The following IMMP2L variants were observed in gnomAD, a reference collection of about 807,000 sequenced individuals.
The protein encoded by IMMP2L is inner mitochondrial membrane peptidase subunit 2.
Under a neutral mutation model 19.3 loss-of-function variants are expected in IMMP2L, and 18 were observed. The observed-to-expected ratio is 0.93, with a 90% CI of 0.64 to 1.38. The LOEUF is 1.38. IMMP2L is among the 40% of genes most tolerant of loss of function. The pLI is 0.00. For synonymous variants in IMMP2L, 76 were observed against 73.0 expected (o/e 1.04, Z -0.21); for missense variants, 233 against 218.2 (o/e 1.07, Z -0.43).
At chr7:110,666,462 G>C (rs1271787307) in intron 5 of IMMP2L, among the ~76,000 whole-genome samples, 1 of 151,994 alleles carries the variant, frequency 6.6e-6, no homozygotes, top group Non-Finnish European at 1.5e-5. Context: ...TTTTAGTAGA[G>C]ATGGGGTTTC....
intron 5 of IMMP2L, among the ~76,000 whole-genome samples, chr7:110,792,727 G>A (rs1004135038): frequency 6.6e-6 from 1 of 152,030 alleles, no homozygotes; most frequent in African/African-American, 2.4e-5. Context: ...CACTCTTAAT[G>A]TTGTACATTC....
chr7:110,996,644 T>A (rs1322683262), intron 3 of IMMP2L, among the ~76,000 whole-genome samples: 2 of 152,108 alleles, frequency 1.3e-5, no homozygotes, highest in Non-Finnish European at 2.9e-5. Context: ...CTCTTTTTTT[T>A]TCTGAGTGAG....
At chr7:110,689,323 G>A (rs954997030) in intron 5 of IMMP2L, among the ~76,000 whole-genome samples, 3 of 152,104 alleles carry the variant, frequency 2.0e-5, no homozygotes, top group Non-Finnish European at 2.9e-5. Context: ...GATGATTAGA[G>A]TAGTATGCAC....
At chr7:111,479,953 A>AT (rs1376330251) in intron 3 of IMMP2L, among the ~76,000 whole-genome samples, 1 of 152,132 alleles carries the variant, frequency 6.6e-6, no homozygotes, top group Non-Finnish European at 1.5e-5. Flanking sequence ...TTTATTAAAC[A>AT]TTTCTAAGAT....
At chr7:111,529,967 T>C (rs1418738762) in intron 1 of IMMP2L, among the ~76,000 whole-genome samples, 4 of 152,186 alleles carry the variant, frequency 2.6e-5, no homozygotes, top group African/African-American at 9.7e-5. Flanking sequence ...TCCTTCAACT[T>C]GCAAACATCA....
chr7:110,901,747 C>G (rs960924018), intron 4 of IMMP2L, among the ~76,000 whole-genome samples: 1 of 152,086 alleles, frequency 6.6e-6, no homozygotes, highest in Admixed American at 6.6e-5. Flanking sequence ...TAAGTGAAGA[C>G]TATTTTGTCT....
At chr7:111,299,737 T>A (rs1047152753) in intron 3 of IMMP2L, among the ~76,000 whole-genome samples, 1 of 152,058 alleles carries the variant, frequency 6.6e-6, no homozygotes, top group Non-Finnish European at 1.5e-5. Context: ...TGTGAATTTG[T>A]CTTTTTTTTT....
chr7:110,805,437 G>A (rs1801562860), intron 5 of IMMP2L, among the ~76,000 whole-genome samples: 2 of 152,064 alleles, frequency 1.3e-5, no homozygotes, highest in East Asian at 1.9e-4. Context: ...CTCTTTCATG[G>A]TCCAACATCC....
intron 3 of IMMP2L, among the ~76,000 whole-genome samples, chr7:111,142,354 A>G (rs1803022906): frequency 1.5e-5 from 2 of 136,982 alleles, no homozygotes; most frequent in African/African-American, 5.9e-5. Context: ...GAAAGAAAGA[A>G]AGAAAGAAAG....
chr7:110,984,986 A>G (rs896831631), intron 3 of IMMP2L, among the ~76,000 whole-genome samples: 2 of 152,106 alleles, frequency 1.3e-5, no homozygotes, highest in Non-Finnish European at 2.9e-5. Flanking sequence ...TTAAAAGGGG[A>G]AAGAGGTGGC....
intron 3 of IMMP2L, among the ~76,000 whole-genome samples, chr7:111,132,853 A>G (rs1359288528): frequency 6.6e-6 from 1 of 152,036 alleles, no homozygotes; most frequent in Non-Finnish European, 1.5e-5. Context: ...GTTCTTTAAA[A>G]GACTTTCTTA....
At chr7:110,707,009 T>TTC (rs542038396) in intron 5 of IMMP2L, among the ~76,000 whole-genome samples, 6,710 of 141,070 alleles carry the variant, frequency 0.048, 244 homozygotes, top group African/African-American at 0.088. Context: ...TTTTAATTTT[T>TTC]TTTTTTTTAT....
At chr7:111,243,236 T>C (rs1314967224) in intron 3 of IMMP2L, among the ~76,000 whole-genome samples, 1 of 151,948 alleles carries the variant, frequency 6.6e-6, no homozygotes, top group Non-Finnish European at 1.5e-5. Context: ...TTATTATATA[T>C]TGAATTATAA....
intron 4 of IMMP2L, among the ~76,000 whole-genome samples, chr7:110,913,668 A>T (rs1489278821): frequency 6.6e-6 from 1 of 152,166 alleles, no homozygotes; most frequent in African/African-American, 2.4e-5. Context: ...CAACTTGCTA[A>T]GTAATGATAC....
At chr7:111,050,779 GTATT>G (rs1563194831) in intron 3 of IMMP2L, among the ~76,000 whole-genome samples, 2 of 152,100 alleles carry the variant, frequency 1.3e-5, no homozygotes, top group Non-Finnish European at 2.9e-5. Flanking sequence ...CAAAAGTTAC[GTATT>G]TATTTATGCC....
chr7:111,555,614 T>C (rs559017861), intron 1 of IMMP2L, among the ~76,000 whole-genome samples: 1 of 152,302 alleles, frequency 6.6e-6, no homozygotes, highest in African/African-American at 2.4e-5. Context: ...TATTTGACTT[T>C]TTTTTAAGAT....
chr7:110,752,544 A>G (rs1436004389), intron 5 of IMMP2L, among the ~76,000 whole-genome samples: 2 of 151,986 alleles, frequency 1.3e-5, no homozygotes, highest in Non-Finnish European at 1.5e-5. Flanking sequence ...CACTCACTCT[A>G]TTGTTTTCAA....
intron 5 of IMMP2L, among the ~76,000 whole-genome samples, chr7:110,706,056 T>C (rs1794656792): frequency 6.6e-6 from 1 of 152,074 alleles, no homozygotes; most frequent in Non-Finnish European, 1.5e-5. Context: ...GTAGAATGAT[T>C]TATTTTCTTC....
chr7:111,067,007 T>C (rs1179853939), intron 3 of IMMP2L, among the ~76,000 whole-genome samples: 2 of 152,182 alleles, frequency 1.3e-5, no homozygotes, highest in African/African-American at 2.4e-5. Flanking sequence ...TCTATCCATA[T>C]TGTCATACAT....
Sources: gnomAD v4.1 joint callset for allele counts (sites outside exome capture counted in the v4.1 genomes callset) on GRCh38, gnomAD v4.1.1 for gene constraint, MANE v1.5 for transcripts, NCBI Gene and HGNC (gene_info 2026-07-23, HGNC 2026-07-21) for gene names.